CSMD3: variants seen among roughly 807,000 people sequenced by gnomAD.
CSMD3 encodes the protein CUB and sushi domain-containing protein 3.
CSMD3 carries 177 observed loss-of-function variants against 435.2 expected under a neutral mutation model. That is an observed-to-expected ratio of 0.41 (90% CI 0.36 to 0.46). The LOEUF (loss-of-function observed/expected upper bound fraction) is 0.46. Among genes scored for constraint, CSMD3 ranks in the 20% least tolerant of loss-of-function variants. CSMD3 has a pLI of 0.34. For synonymous variants in CSMD3, 1,656 were observed against 1,520.5 expected, an observed-to-expected ratio of 1.09 and a Z score of -2.07; for missense variants, 4,265 against 4,504.6, an observed-to-expected ratio of 0.95 and a Z score of 1.52.
intron 6 of CSMD3, among the ~76,000 whole-genome samples, chr8:112,984,102 T>C (rs998272072): frequency 6.6e-6 from 1 of 151,918 alleles, no homozygotes; most frequent in African/African-American, 2.4e-5. Context: ...GATAAGAATA[T>C]AGTCTATCAT....
At chr8:112,431,851 T>C (rs140322236) in intron 32 of CSMD3, among the ~76,000 whole-genome samples, 5 of 152,244 alleles carry the variant, frequency 3.3e-5, no homozygotes, top group South Asian at 2.1e-4. Context: ...GGATAGACAA[T>C]AGACAAAGCT....
chr8:113,127,918 C>A (rs1564345566), intron 4 of CSMD3, among the ~76,000 whole-genome samples: 1 of 152,038 alleles, frequency 6.6e-6, no homozygotes, highest in Non-Finnish European at 1.5e-5. Context: ...AACACTTCAA[C>A]CCAGGTCAAA....
intron 6 of CSMD3, among the ~76,000 whole-genome samples, chr8:112,989,388 T>C (rs2085368212): frequency 6.6e-6 from 1 of 152,038 alleles, no homozygotes; most frequent in South Asian, 2.1e-4. Context: ...CCTATGTTTC[T>C]ATGAAACAAT....
At chr8:112,345,064 G>T (rs1396935877) in intron 41 of CSMD3, among the ~76,000 whole-genome samples, 1 of 152,002 alleles carries the variant, frequency 6.6e-6, no homozygotes, top group African/African-American at 2.4e-5. Context: ...CTGAAAAATA[G>T]TATAAGTCTG....
At chr8:113,230,957 C>T (rs2132186009) in intron 3 of CSMD3, among the ~76,000 whole-genome samples, 2 of 151,440 alleles carry the variant, frequency 1.3e-5, no homozygotes, top group South Asian at 4.1e-4. Flanking sequence ...ATATAAATGT[C>T]ATTTAAAAAC....
intron 17 of CSMD3, among the ~76,000 whole-genome samples, chr8:112,662,971 C>G (rs61442940): frequency 4.6e-5 from 7 of 151,876 alleles, no homozygotes; most frequent in Middle Eastern, 3.2e-3. Flanking sequence ...AAAACCACAA[C>G]GAGATACCAT....
At chr8:112,913,468 G>A (rs2082485198) in intron 10 of CSMD3, among the ~76,000 whole-genome samples, 1 of 151,904 alleles carries the variant, frequency 6.6e-6, no homozygotes, top group African/African-American at 2.4e-5. Context: ...CAACAGGTCT[G>A]TGCTGGGAGG....
intron 5 of CSMD3, among the ~76,000 whole-genome samples, chr8:113,027,726 T>C (rs570808858): frequency 1.3e-5 from 2 of 152,148 alleles, no homozygotes; most frequent in East Asian, 1.9e-4. Flanking sequence ...CCCCTTTTAC[T>C]CTTAACCACA....
chr8:112,338,884 C>T (rs192417228), intron 42 of CSMD3, among the ~76,000 whole-genome samples: 12 of 152,152 alleles, frequency 7.9e-5, no homozygotes, highest in African/African-American at 2.4e-4. Context: ...TATACCCTTT[C>T]AATTTCTACT....
In CSMD3 at chr8:112,781,750, G is replaced by C. The variant is rs549872601; in HGVS notation, c.1972+18412C>G. On this transcript the variant is annotated intron_variant, in intron 13 of 70. Coordinates refer to ENST00000297405, the MANE Select transcript of CSMD3 (RefSeq NM_198123.2). ...CATAAAGACAGAGAGACTCTGTTGG[G>C]AGGAAAGTAAGTGAAGAGAACAAGT... is the stretch of plus-strand genomic sequence containing the variant. Among the ~76,000 whole-genome samples the C allele has an allele frequency of 8.5e-5, 13 of 152,228 alleles. No homozygotes were observed. In the South Asian group the frequency reaches 1.0e-3, roughly 12 times the overall value.
chr8:113,050,384 A>G (rs2088036077), intron 5 of CSMD3, among the ~76,000 whole-genome samples: 1 of 152,090 alleles, frequency 6.6e-6, no homozygotes, highest in Non-Finnish European at 1.5e-5. Context: ...TTTGTATTCT[A>G]CACAGAGCAC....
intron 9 of CSMD3, among the ~76,000 whole-genome samples, chr8:112,922,935 C>T (rs1587680351): frequency 6.6e-6 from 1 of 152,104 alleles, no homozygotes; most frequent in African/African-American, 2.4e-5. Flanking sequence ...TCTGCCTTTT[C>T]CTTCTTTCTC....
chr8:112,300,052 T>C (rs1283771509), intron 53 of CSMD3, among the ~76,000 whole-genome samples: 1 of 149,660 alleles, frequency 6.7e-6, no homozygotes, highest in Admixed American at 6.7e-5. Flanking sequence ...CAAATTTATA[T>C]GTATATTTAA....
At chr8:112,860,985 A>C (rs2080812197) in intron 10 of CSMD3, among the ~76,000 whole-genome samples, 1 of 151,888 alleles carries the variant, frequency 6.6e-6, no homozygotes, top group South Asian at 2.1e-4. Context: ...TTTCTAGACT[A>C]ATTTTCTGTC....
chr8:112,293,520 G>A (rs1033170462), intron 54 of CSMD3, among the ~76,000 whole-genome samples: 1 of 151,906 alleles, frequency 6.6e-6, no homozygotes, highest in Non-Finnish European at 1.5e-5. Context: ...ATACACAAAG[G>A]CTGCATTAGG....
intron 5 of CSMD3, among the ~76,000 whole-genome samples, chr8:113,044,071 G>A (rs1173814530): frequency 6.6e-6 from 1 of 151,970 alleles, no homozygotes; most frequent in Non-Finnish European, 1.5e-5. Flanking sequence ...CAGTGTTATA[G>A]ACCAGACACT....
At chr8:113,057,963 T>A (rs2131352706) in intron 5 of CSMD3, among the ~76,000 whole-genome samples, 1 of 151,960 alleles carries the variant, frequency 6.6e-6, no homozygotes, top group African/African-American at 2.4e-5. Context: ...GCAAACATTT[T>A]GTTTAATCTA....
At chr8:112,771,297 T>C (rs951233566) in intron 13 of CSMD3, among the ~76,000 whole-genome samples, 1 of 151,942 alleles carries the variant, frequency 6.6e-6, no homozygotes, top group African/African-American at 2.4e-5. Flanking sequence ...CCCAGAAATT[T>C]GGGAGGTCAA....
intron 13 of CSMD3, among the ~76,000 whole-genome samples, chr8:112,690,679 T>C (rs2076115798): frequency 6.6e-6 from 1 of 151,530 alleles, no homozygotes; most frequent in Admixed American, 6.6e-5. Context: ...TAAATGTTTC[T>C]TGGATGAGTG....
Sources: gnomAD v4.1 joint callset for allele counts (sites outside exome capture counted in the v4.1 genomes callset) on GRCh38, gnomAD v4.1.1 for gene constraint, MANE v1.5 for transcripts, NCBI Gene and HGNC (gene_info 2026-07-23, HGNC 2026-07-21) for gene names.